PDLIM5: variants seen among roughly 807,000 people sequenced by gnomAD.
PDLIM5 encodes PDZ and LIM domain protein 5.
Under a neutral mutation model 64.2 loss-of-function variants are expected in PDLIM5, and 34 were observed. That is an observed-to-expected ratio of 0.53 (90% confidence interval 0.40 to 0.71). The LOEUF is 0.71. Ranked by LOEUF, PDLIM5 falls within the 30% of genes least tolerant of loss-of-function variation. The probability of loss-of-function intolerance (pLI) is 0.00; values close to 1 mark genes in which losing one functional copy is unlikely to be tolerated. For synonymous variants in PDLIM5, 253 were observed against 269.1 expected, an observed-to-expected ratio of 0.94 and a Z score of 0.59; for missense variants, 683 against 733.6, an observed-to-expected ratio of 0.93 and a Z score of 0.80.
intron 2 of PDLIM5, among the ~76,000 whole-genome samples, chr4:94,502,201 G>A (rs1426081292): frequency 6.6e-6 from 1 of 152,148 alleles, no homozygotes; most frequent in African/African-American, 2.4e-5. Context: ...CTGGAAGCTA[G>A]AAGAGACATA....
intron 9 of PDLIM5, among the ~76,000 whole-genome samples, chr4:94,643,662 CT>C (rs1306520414): frequency 6.6e-6 from 1 of 152,096 alleles, no homozygotes; most frequent in Admixed American, 6.5e-5. Context: ...ATATGGAATG[CT>C]TAAATAGCCA....
At chr4:94,477,807 A>T (rs1159113671) in intron 2 of PDLIM5, among the ~76,000 whole-genome samples, 1 of 152,070 alleles carries the variant, frequency 6.6e-6, no homozygotes, top group East Asian at 1.9e-4. Flanking sequence ...TACCCCTGAG[A>T]CAGTGAGACC....
rs1253023120 is a variant in PDLIM5 at position 94,665,941 on chromosome 4, T to C, written c.*1874T>C. On this transcript the variant is annotated 3_prime_UTR_variant, in exon 13 of 13. Coordinates refer to ENST00000317968, the MANE Select transcript of PDLIM5 (RefSeq NM_006457.5). ...CCACATGGAGACAGGGAAACAATTG[T>C]GGTAAAACTGTGGATCCTGTTGCTA... The C allele has an allele frequency of 2.6e-6, 4 of 1,516,568 alleles. No homozygotes were observed. In the African/African-American group the frequency reaches 5.5e-5, roughly 21 times the overall value. The allele number at this position is 1,516,568 out of a possible 1,614,324, so 93.9% of individuals were successfully genotyped here. A position where few individuals can be genotyped will look rare whatever the true frequency, so the allele number is the denominator to read the frequency against.
chr4:94,631,756 T>G (rs1740164938), intron 8 of PDLIM5, among the ~76,000 whole-genome samples: 1 of 152,202 alleles, frequency 6.6e-6, no homozygotes, highest in South Asian at 2.1e-4. Flanking sequence ...TCTGCTCCCC[T>G]CCACTGGCTT....
Position 94,523,864 on chromosome 4 carries a change from G to A in PDLIM5, c.237G>A (p.Met79Ile). 1 of 1,611,674 alleles carries A rather than the reference G, an allele frequency of 6.2e-7. No homozygotes were observed. Among genetic ancestry groups the A allele is most frequent in the Non-Finnish European group, 8.5e-7 (1 of 1,178,514 alleles). Residue 79 changes from methionine to isoleucine, a missense_variant, in exon 3 of 13, where the codon ATG becomes ATA. Physicochemically the swap from Met to Ile is conservative, Grantham distance 10 (BLOSUM62 1). Transcript: ENST00000317968. ...AGGGTTGTACAGGCTCTTTGAATAT[G>A]ACTCTGCAAAGGTAAGTTGCTTTTT... ...KIKGCTGSLN[M>I]TLQRASAAPK...
Position 94,575,910 on chromosome 4 carries a change from G to A in PDLIM5, c.586G>A (p.Ala196Thr), listed in dbSNP as rs139073948. The A allele has an allele frequency of 2.4e-5, 38 of 1,613,948 alleles. No individual in the cohort carries two copies. The highest frequency in any genetic ancestry group is 1.6e-4 in the Middle Eastern group (1 of 6,084). Reference protein sequence around the residue: ...SADQSPSALSAGKTAVNVPRQ... With the variant: ...SADQSPSALSTGKTAVNVPRQ... ...TGACCAGTCTCCATCTGCACTGAGC[G>A]CTGGTAAAACTGCAGTTAATGTCCC... Residue 196 changes from alanine to threonine, a missense_variant, in exon 5 of 13, where the codon GCT becomes ACT. Physicochemically the swap from Ala to Thr is moderately conservative, Grantham distance 58. Coordinates refer to ENST00000317968, the MANE Select transcript of PDLIM5 (RefSeq NM_006457.5).
chr4:94,505,100 G>A (rs1353604367), intron 2 of PDLIM5, among the ~76,000 whole-genome samples: 6 of 152,092 alleles, frequency 3.9e-5, no homozygotes, highest in South Asian at 4.1e-4. Context: ...AGACATGTGG[G>A]GATATTTCCC....
chr4:94,573,047 T>A (rs1734940494), intron 3 of PDLIM5, among the ~76,000 whole-genome samples: 1 of 152,234 alleles, frequency 6.6e-6, no homozygotes, highest in Non-Finnish European at 1.5e-5. Flanking sequence ...GGGGGTATCC[T>A]TAACGATTAA....
At chr4:94,461,622 G>T (rs1283678782) in intron 2 of PDLIM5, among the ~76,000 whole-genome samples, 2 of 151,586 alleles carry the variant, frequency 1.3e-5, no homozygotes, top group East Asian at 1.9e-4. Flanking sequence ...TTTGTTTCCT[G>T]TTTAAGTATA....
At chr4:94,526,683 C>T (rs905084818) in intron 3 of PDLIM5, among the ~76,000 whole-genome samples, 3 of 151,870 alleles carry the variant, frequency 2.0e-5, no homozygotes, top group Admixed American at 2.0e-4. Context: ...CTTAAGTTTT[C>T]TCTCTTATAT....
rs541871840 is a variant in PDLIM5, at chr4:94,579,382, G to C, written c.710+3348G>C. On this transcript the variant is annotated intron_variant, in intron 5 of 12. Coordinates refer to ENST00000317968, the MANE Select transcript of PDLIM5 (RefSeq NM_006457.5). Reference sequence around the variant, plus strand: ...CTGCTTTCAAGAGGTAAGTCTTTTAGTATCTTATAATAATTTTAATTTTGT... The same window carrying C: ...CTGCTTTCAAGAGGTAAGTCTTTTACTATCTTATAATAATTTTAATTTTGT... 9.8e-5 allele frequency: 42 copies of C among 427,712 alleles called. 2 individuals carry two copies. In the South Asian group the frequency reaches 2.6e-3, roughly 26 times the overall value. 26.5% of individuals were successfully genotyped at this position (427,712 alleles called of 1,614,324 possible). A position where few individuals can be genotyped will look rare whatever the true frequency, so the allele number is the denominator to read the frequency against.
chr4:94,597,352 A>G (rs900402859), intron 7 of PDLIM5, among the ~76,000 whole-genome samples: 1 of 152,138 alleles, frequency 6.6e-6, no homozygotes, highest in Non-Finnish European at 1.5e-5. Flanking sequence ...AGCTCTTAGC[A>G]GGGATGTTGG....
At chr4:94,655,439 A>G (rs1742138720) in intron 10 of PDLIM5, among the ~76,000 whole-genome samples, 1 of 152,204 alleles carries the variant, frequency 6.6e-6, no homozygotes, top group African/African-American at 2.4e-5. Flanking sequence ...TGAAAATATG[A>G]TAATGAAACT....
At chr4:94,613,798 G>GAGA (rs1738549241) in intron 7 of PDLIM5, among the ~76,000 whole-genome samples, 1 of 151,964 alleles carries the variant, frequency 6.6e-6, no homozygotes. Flanking sequence ...TTTAAATTTA[G>GAGA]AAAATATATT....
chr4:94,636,456 AACT>A (rs1375152519), intron 8 of PDLIM5, among the ~76,000 whole-genome samples: 1 of 150,230 alleles, frequency 6.7e-6, no homozygotes. Context: ...TTTTTCATGT[AACT>A]GATTAAATAA....
intron 2 of PDLIM5, among the ~76,000 whole-genome samples, chr4:94,480,250 A>G (rs1450645473): frequency 1.3e-5 from 2 of 152,228 alleles, no homozygotes; most frequent in Non-Finnish European, 1.5e-5. Flanking sequence ...GTAAACATTT[A>G]CTTGAGTTAC....
chr4:94,555,385 T>C (rs1012710602), intron 3 of PDLIM5, among the ~76,000 whole-genome samples: 5 of 152,324 alleles, frequency 3.3e-5, no homozygotes, highest in East Asian at 1.9e-4. Flanking sequence ...ATATTTCCAA[T>C]TGAATATGGG....
intron 1 of PDLIM5, among the ~76,000 whole-genome samples, chr4:94,453,254 G>A (rs1723027273): frequency 6.6e-6 from 1 of 152,206 alleles, no homozygotes; most frequent in African/African-American, 2.4e-5. Context: ...CTAATAACCA[G>A]ATGGAGGAGT....
At position 94,576,754 on chromosome 4, in the gene PDLIM5, C is replaced by T. The variant is rs1307603330; in HGVS notation, c.710+720C>T. On this transcript the variant is annotated intron_variant, in intron 5 of 12. Coordinates refer to ENST00000317968, the MANE Select transcript of PDLIM5 (RefSeq NM_006457.5). ...AACACTTTGAAAATCTGTTTCTTAT[C>T]GTTTTTCCCTTTTGGGGGTATCTTT... Among the ~76,000 whole-genome samples, 4 of 152,228 alleles carry T rather than the reference C, an allele frequency of 2.6e-5. No homozygotes were observed. The East Asian group carries it at 5.8e-4, about 22-fold the overall frequency.
Sources: gnomAD v4.1 joint callset for allele counts (sites outside exome capture counted in the v4.1 genomes callset) on GRCh38, gnomAD v4.1.1 for gene constraint, MANE v1.5 for transcripts, NCBI Gene and HGNC (gene_info 2026-07-23, HGNC 2026-07-21) for gene names.